SMARCC1: variants seen among roughly 807,000 people sequenced by gnomAD.
The protein encoded by SMARCC1 is SWI/SNF complex subunit SMARCC1.
Under a neutral mutation model 147.4 loss-of-function variants are expected in SMARCC1, and 43 were observed. The observed-to-expected ratio is 0.29, with a 90% CI of 0.23 to 0.38. The LOEUF (loss-of-function observed/expected upper bound fraction) is 0.38, where lower values mean the gene tolerates loss of function less well. Ranked by LOEUF, SMARCC1 falls within the 10% of genes least tolerant of loss-of-function variation. SMARCC1 has a pLI of 1.00. For synonymous variants in SMARCC1, 495 were observed against 484.4 expected (o/e 1.02, Z -0.29); for missense variants, 1,119 against 1,381.1 (o/e 0.81, Z 3.01).
At position 47,661,325 on chromosome 3, in the gene SMARCC1, T is replaced by C. The variant is rs1359090174; in HGVS notation, c.2289A>G (p.Ala763=). 6.2e-7 allele frequency: 1 copy of C among 1,613,412 alleles called. No homozygotes were observed. The highest frequency in any genetic ancestry group is 1.7e-5 in the Admixed American group (1 of 59,770). ...PTYGLESSCI[A]GTGPDEPEKL... ...TCTCTGGCTCATCGGGCCCTGTGCC[T>C]GCAATGCAGCTGCTCTCCAGACCGT... The change falls in exon 21 of 28, where the codon GCA becomes GCG. Residue 763 remains alanine (A), a synonymous_variant. Transcript: ENST00000254480.
intron 2 of SMARCC1, among the ~76,000 whole-genome samples, chr3:47,750,218 A>G (rs1431730080): frequency 6.6e-6 from 1 of 151,996 alleles, no homozygotes; most frequent in Admixed American, 6.6e-5. Context: ...GACGGATCAC[A>G]AGGTCAAGAG....
chr3:47,602,152 G>C (rs942212286), intron 26 of SMARCC1, among the ~76,000 whole-genome samples: 3 of 152,128 alleles, frequency 2.0e-5, no homozygotes, highest in Non-Finnish European at 4.4e-5. Context: ...GTAGCTGGGT[G>C]TGGTAGCACA....
chr3:47,781,007 G>C (rs1335865229), intron 1 of SMARCC1, among the ~76,000 whole-genome samples: 3 of 152,092 alleles, frequency 2.0e-5, no homozygotes, highest in Non-Finnish European at 4.4e-5. Context: ...ATAAAAACTG[G>C]GTTCTTGGGG....
At chr3:47,707,601 CG>C (rs1553685759) in intron 9 of SMARCC1, among the ~76,000 whole-genome samples, 1 of 152,028 alleles carries the variant, frequency 6.6e-6, no homozygotes, top group Non-Finnish European at 1.5e-5. Context: ...AGGCTGGTCA[CG>C]GTGGCTCACA....
chr3:47,637,423 G>A (rs1262683193), intron 22 of SMARCC1, among the ~76,000 whole-genome samples: 1 of 152,002 alleles, frequency 6.6e-6, no homozygotes, highest in East Asian at 1.9e-4. Context: ...GAACACAAAG[G>A]CCCAGAGGCT....
chr3:47,641,668 A>C (rs551870848), intron 21 of SMARCC1, among the ~76,000 whole-genome samples: 1 of 152,374 alleles, frequency 6.6e-6, no homozygotes, highest in East Asian at 1.9e-4. Context: ...ATGCTAACAA[A>C]AAAAATCTAG....
intron 2 of SMARCC1, among the ~76,000 whole-genome samples, chr3:47,753,325 CAAA>C (rs35435595): frequency 5.4e-5 from 5 of 92,878 alleles, no homozygotes; most frequent in Admixed American, 1.1e-4. Flanking sequence ...ACTCCATCTC[CAAA>C]AAAAAAAAAA....
At chr3:47,639,019 G>A (rs978372339) in intron 21 of SMARCC1, among the ~76,000 whole-genome samples, 2 of 152,180 alleles carry the variant, frequency 1.3e-5, no homozygotes, top group Non-Finnish European at 2.9e-5. Flanking sequence ...ACAGGGGGAA[G>A]GGGTGAATTA....
At chr3:47,691,524 G>A (rs887089265) in intron 12 of SMARCC1, among the ~76,000 whole-genome samples, 1 of 152,156 alleles carries the variant, frequency 6.6e-6, no homozygotes, top group African/African-American at 2.4e-5. Flanking sequence ...TGAGGTAAGA[G>A]AATTGCTTGA....
intron 19 of SMARCC1, among the ~76,000 whole-genome samples, chr3:47,666,206 G>A (rs2033418059): frequency 6.6e-6 from 1 of 152,044 alleles, no homozygotes; most frequent in Non-Finnish European, 1.5e-5. Context: ...CATTTGTTCT[G>A]CACTGGAAAC....
chr3:47,749,288 T>C (rs568134345), intron 2 of SMARCC1, among the ~76,000 whole-genome samples: 1 of 152,160 alleles, frequency 6.6e-6, no homozygotes, highest in East Asian at 1.9e-4. Flanking sequence ...AGACCCTATC[T>C]CAAACAACAA....
intron 27 of SMARCC1, among the ~76,000 whole-genome samples, chr3:47,589,600 G>A (rs1269234575): frequency 6.6e-6 from 1 of 152,188 alleles, no homozygotes; most frequent in Admixed American, 6.5e-5. Flanking sequence ...AAGTTGTTGT[G>A]ATCTTATATA....
chr3:47,625,880 G>A (rs2032802128), intron 24 of SMARCC1, among the ~76,000 whole-genome samples: 1 of 152,030 alleles, frequency 6.6e-6, no homozygotes, highest in Admixed American at 6.6e-5. Context: ...AAAGAGGCCA[G>A]GCGCAGTTGC....
intron 14 of SMARCC1, among the ~76,000 whole-genome samples, chr3:47,681,163 CA>C (rs2033639914): frequency 6.6e-6 from 1 of 151,944 alleles, no homozygotes; most frequent in African/African-American, 2.4e-5. Context: ...GTGACAAAAA[CA>C]AAGGAGCTGG....
rs1576378441 is a variant in SMARCC1 at position 47,585,426 on chromosome 3, C to T, written c.*2783G>A. ...GTTCATCTCATGGCAGACACAGAATCCTCTTCTTTTGCTTCACTCGATTTA... is the reference window on the plus strand; with the variant it reads ...GTTCATCTCATGGCAGACACAGAATTCTCTTCTTTTGCTTCACTCGATTTA... On this transcript the variant is annotated 3_prime_UTR_variant, in exon 28 of 28. Transcript: ENST00000254480. The T allele has an allele frequency of 6.6e-6, 1 of 152,204 alleles. No individual in the cohort carries two copies. The highest frequency in any genetic ancestry group is 2.1e-4 in the South Asian group (1 of 4,830). 9.4% of individuals were successfully genotyped at this position (152,204 alleles called of 1,614,324 possible).
At chr3:47,718,125 C>G (rs951555865) in intron 7 of SMARCC1, among the ~76,000 whole-genome samples, 1 of 111,848 alleles carries the variant, frequency 8.9e-6, no homozygotes, top group African/African-American at 3.7e-5. Context: ...GGTAACAGAG[C>G]AAGACCTTGT....
intron 2 of SMARCC1, 93 bp downstream of exon 2, chr3:47,772,724 C>A (rs1000075319): frequency 1.8e-6 from 2 of 1,119,786 alleles, no homozygotes; most frequent in Non-Finnish European, 2.5e-6. Flanking sequence ...AAATTCTACA[C>A]GCTAGCAGCA....
intron 26 of SMARCC1, among the ~76,000 whole-genome samples, chr3:47,597,967 G>A (rs1380302436): frequency 1.3e-5 from 2 of 152,268 alleles, no homozygotes; most frequent in East Asian, 1.9e-4. Flanking sequence ...CAGAGGTATC[G>A]GTGAAGGGAA....
At chr3:47,625,382 A>G (rs2032794123) in intron 24 of SMARCC1, among the ~76,000 whole-genome samples, 1 of 152,112 alleles carries the variant, frequency 6.6e-6, no homozygotes, top group South Asian at 2.1e-4. Flanking sequence ...CTACAGGCAC[A>G]CACCACCACA....
Sources: gnomAD v4.1 joint callset for allele counts (sites outside exome capture counted in the v4.1 genomes callset) on GRCh38, gnomAD v4.1.1 for gene constraint, MANE v1.5 for transcripts, NCBI Gene and HGNC (gene_info 2026-07-23, HGNC 2026-07-21) for gene names.